Variants in HYAL4 observed in about 807,000 individuals in gnomAD.
HYAL4 encodes hyaluronidase 4.
A neutral mutation model predicts 35.2 loss-of-function variants in HYAL4; 37 were observed. That is an observed-to-expected ratio of 1.05 (90% CI 0.81 to 1.38). The LOEUF (loss-of-function observed/expected upper bound fraction) is 1.38, where lower values mean the gene tolerates loss of function less well. Ranked by LOEUF, HYAL4 falls within the 40% of genes most tolerant of loss-of-function variation. HYAL4 has a pLI of 0.00. For missense variants in HYAL4, 572 were observed against 572.4 expected, an observed-to-expected ratio of 1.00 and a Z score of 0.01; for synonymous variants, 198 against 203.2, an observed-to-expected ratio of 0.97 and a Z score of 0.22.
chr7:123,837,201 T>C (rs559877946), intron 1 of HYAL4, among the ~76,000 whole-genome samples: 2 of 152,288 alleles, frequency 1.3e-5, no homozygotes, highest in East Asian at 3.9e-4. Flanking sequence ...TGACTTAAAA[T>C]TGTTTTGTTT....
the HYAL4 span, among the ~76,000 whole-genome samples, chr7:123,805,561 T>C: frequency 3.9e-5 from 6 of 152,096 alleles, no homozygotes; most frequent in African/African-American, 1.4e-4. Context: ...ATTTAAGTTA[T>C]ATTATCAGTC....
At chr7:123,838,222 T>C (rs547095424) in intron 1 of HYAL4, among the ~76,000 whole-genome samples, 79 of 149,372 alleles carry the variant, frequency 5.3e-4, no homozygotes, top group African/African-American at 1.5e-3. Flanking sequence ...ACCTCTACCA[T>C]AGAATTCTTT....
chr7:123,780,295 A>T, the HYAL4 span, among the ~76,000 whole-genome samples: 1 of 152,182 alleles, frequency 6.6e-6, no homozygotes, highest in Non-Finnish European at 1.5e-5. Context: ...TACCCACTGC[A>T]CTACATTGCT....
At chr7:123,817,947 G>A in the HYAL4 span, among the ~76,000 whole-genome samples, 39 of 152,038 alleles carry the variant, frequency 2.6e-4, no homozygotes, top group African/African-American at 8.2e-4. Context: ...ACAGGATCTC[G>A]GCTCACTGCA....
At chr7:123,800,476 TAAAAAAAA>T in the HYAL4 span, among the ~76,000 whole-genome samples, 1 of 120,336 alleles carries the variant, frequency 8.3e-6, no homozygotes, top group Non-Finnish European at 1.8e-5. Flanking sequence ...GCCTGAAAAT[TAAAAAAAA>T]AAAAAAAAAA....
At chr7:123,767,385 T>C in the HYAL4 span, among the ~76,000 whole-genome samples, 2 of 152,192 alleles carry the variant, frequency 1.3e-5, no homozygotes, top group African/African-American at 4.8e-5. Context: ...AAGTCCAAGA[T>C]AGACCTCTTC....
the HYAL4 span, among the ~76,000 whole-genome samples, chr7:123,818,540 AATT>A: frequency 6.6e-6 from 1 of 152,160 alleles, no homozygotes; most frequent in South Asian, 2.1e-4. Flanking sequence ...CTAATATAAA[AATT>A]ATTATGTTAT....
the HYAL4 span, among the ~76,000 whole-genome samples, chr7:123,781,968 A>G: frequency 2.0e-5 from 3 of 152,046 alleles, no homozygotes; most frequent in Non-Finnish European, 2.9e-5. Flanking sequence ...GTGCAGTGGC[A>G]AGTTCCTGGC....
chr7:123,770,436 C>T, the HYAL4 span, among the ~76,000 whole-genome samples: 2 of 128,444 alleles, frequency 1.6e-5, no homozygotes, highest in South Asian at 2.4e-4. Context: ...AGCGAGACTC[C>T]ATCTAAAAAA....
At chr7:123,825,128 A>G (rs74986217), upstream of HYAL4, among the ~76,000 whole-genome samples, 47 of 151,668 alleles carry the variant, frequency 3.1e-4, no homozygotes, top group Non-Finnish European at 5.9e-4. Context: ...CTCTCTCTCT[A>G]TATATATATC....
chr7:123,859,437 T>C (rs1009752038), intron 2 of HYAL4, among the ~76,000 whole-genome samples: 1 of 152,168 alleles, frequency 6.6e-6, no homozygotes, highest in African/African-American at 2.4e-5. Context: ...ACCGAACACC[T>C]CCTAAACCAT....
upstream of HYAL4, among the ~76,000 whole-genome samples, chr7:123,842,908 G>A (rs917482513): frequency 1.3e-5 from 2 of 151,720 alleles, no homozygotes; most frequent in African/African-American, 2.4e-5. Context: ...ACGTGAGATG[G>A]GTCTCCTGAA....
chr7:123,817,266 A>G, the HYAL4 span, among the ~76,000 whole-genome samples: 16 of 152,150 alleles, frequency 1.1e-4, no homozygotes, highest in Admixed American at 1.0e-3. Flanking sequence ...ACTGTAATCT[A>G]TATAGTCACC....
At chr7:123,835,492 T>C (rs938411201) in intron 1 of HYAL4, among the ~76,000 whole-genome samples, 2 of 152,194 alleles carry the variant, frequency 1.3e-5, no homozygotes, top group Non-Finnish European at 2.9e-5. Context: ...ATAATCTTGC[T>C]AATGGTCTAT....
At chr7:123,844,043 G>T (rs1054900135), upstream of HYAL4, among the ~76,000 whole-genome samples, 2 of 151,986 alleles carry the variant, frequency 1.3e-5, no homozygotes, top group African/African-American at 4.8e-5. Flanking sequence ...TCCATTGCTG[G>T]TGAGGAGCTG....
the HYAL4 span, among the ~76,000 whole-genome samples, chr7:123,815,768 A>G: frequency 6.6e-6 from 1 of 152,216 alleles, no homozygotes; most frequent in African/African-American, 2.4e-5. Flanking sequence ...TCAAATCTCC[A>G]TCTATACCTG....
Position 123,868,306 on chromosome 7 carries a change from T to G in HYAL4, c.33T>G (p.Leu11=). The stretch of plus-strand genomic sequence containing the variant: ...TATTATCTGAAGGACAGTTAAAGCT[T>G]TGTGTTGTTCAACCAGTACATCTCA... The part of the protein sequence containing the change: MKVLSEGQLK[L]CVVQPVHLTS... Residue 11 remains leucine (L), a synonymous_variant, in exon 3 of 5, where the codon CTT becomes CTG. Coordinates refer to ENST00000223026, the MANE Select transcript of HYAL4 (RefSeq NM_012269.3). 6.3e-7 allele frequency: 1 copy of G among 1,575,066 alleles called. No individual in the cohort carries two copies. Among genetic ancestry groups the G allele is most frequent in the Non-Finnish European group, 8.6e-7 (1 of 1,168,124 alleles).
the HYAL4 span, among the ~76,000 whole-genome samples, chr7:123,808,588 CAT>C: frequency 6.6e-6 from 1 of 152,150 alleles, no homozygotes; most frequent in South Asian, 2.1e-4. Flanking sequence ...AAAGAGACCT[CAT>C]AGAACTCTGA....
At chr7:123,841,160 C>A (rs1327362338), upstream of HYAL4, among the ~76,000 whole-genome samples, 3 of 151,912 alleles carry the variant, frequency 2.0e-5, no homozygotes, top group South Asian at 2.1e-4. Flanking sequence ...GAGATATGTT[C>A]CCTCAATACC....
Sources: allele counts gnomAD v4.1 joint callset (sites outside exome capture counted in the v4.1 genomes callset), GRCh38; gene constraint gnomAD v4.1.1; transcripts MANE v1.5; gene names NCBI Gene and HGNC (gene_info 2026-07-23, HGNC 2026-07-21).